Variants in USP10 observed in about 807,000 individuals in gnomAD.
USP10 encodes the protein ubiquitin specific peptidase 10, also known as ubiquitin carboxyl-terminal hydrolase 10.
In USP10, 22 loss-of-function variants were observed where a neutral mutation model predicts 84.5. That is an observed-to-expected ratio of 0.26 (90% CI 0.19 to 0.37). The LOEUF is 0.37. Ranked by LOEUF, USP10 falls within the 10% of genes least tolerant of loss-of-function variation. The probability of loss-of-function intolerance (pLI) is 1.00; values close to 1 mark genes in which losing one functional copy is unlikely to be tolerated. For synonymous variants in USP10, 454 were observed against 387.6 expected (o/e 1.17, Z -2.01); for missense variants, 1,019 against 998.9 (o/e 1.02, Z -0.27).
rs1158926870 is a variant in USP10 at position 84,765,412 on chromosome 16, G to A, written c.1832+1149G>A. Among the ~76,000 whole-genome samples the A allele has an allele frequency of 5.3e-5, 8 of 151,220 alleles. No individual in the cohort carries two copies. The East Asian group carries it at 5.9e-4, about 11-fold the overall frequency. On this transcript the variant is annotated intron_variant, in intron 10 of 13. Transcript: ENST00000219473. The stretch of plus-strand genomic sequence containing the variant: ...TGGCTGCCCTTGGTGTCCTTCGACC[G>A]ACATCTTCCATTCCCACTCGCCACC...
chr16:84,739,341 G>T lies in USP10; in HGVS notation c.91-968G>T, dbSNP rs111561696. ...GGCTGGAGTGCAGTGGCGCGATCTC[G>T]GCTCACTGCAACCTCCATCCCCCAG... is the stretch of plus-strand genomic sequence containing the variant. On this transcript the variant is annotated intron_variant, in intron 2 of 13. Coordinates refer to ENST00000219473, the MANE Select transcript of USP10 (RefSeq NM_005153.3). 4.3e-3 allele frequency among the ~76,000 whole-genome samples: 647 copies of T among 151,934 alleles called. 3 individuals carry two copies. Among genetic ancestry groups the T allele is most frequent in the African/African-American group, 0.015 (616 of 41,416 alleles).
chr16:84,736,348 C>T (rs745825960), intron 2 of USP10, among the ~76,000 whole-genome samples: 29 of 152,254 alleles, frequency 1.9e-4, no homozygotes, highest in Non-Finnish European at 3.7e-4. Context: ...ATTCTGCCTT[C>T]CTGCAGAAGC....
chr16:84,718,532 G>C (rs1396207274), intron 1 of USP10, among the ~76,000 whole-genome samples: 1 of 152,162 alleles, frequency 6.6e-6, no homozygotes, highest in Non-Finnish European at 1.5e-5. Context: ...GCCAAGGCGG[G>C]TGGATCACCT....
intron 4 of USP10, among the ~76,000 whole-genome samples, chr16:84,748,850 G>T (rs1316359331): frequency 6.6e-6 from 1 of 152,186 alleles, no homozygotes; most frequent in Non-Finnish European, 1.5e-5. Flanking sequence ...ATGACTGGTA[G>T]TAGAGGAAAG....
chr16:84,742,538 T>C (rs1298524421), intron 3 of USP10, among the ~76,000 whole-genome samples: 1 of 152,240 alleles, frequency 6.6e-6, no homozygotes, highest in African/African-American at 2.4e-5. Flanking sequence ...GTGAGCAGCC[T>C]TGGAGAAATG....
chr16:84,754,340 T>G (rs1349783992), intron 4 of USP10, among the ~76,000 whole-genome samples: 5 of 152,196 alleles, frequency 3.3e-5, no homozygotes. Context: ...AAATCTAGGT[T>G]GTTCGTGTCT....
In USP10 at chr16:84,751,156, C is replaced by G. The variant is rs116392963; in HGVS notation, c.1192+5483C>G. On this transcript the variant is annotated intron_variant, in intron 4 of 13. Transcript: ENST00000219473. ...TTGTGTTACAGTTGCCTACGGTATT[C>G]AGTACACAACATGCTGTACGGGTTT... Among the ~76,000 whole-genome samples the G allele has an allele frequency of 4.6e-3, 706 of 152,298 alleles. 8 individuals are homozygous for G. Among genetic ancestry groups the G allele is most frequent in the African/African-American group, 0.016 (677 of 41,562 alleles).
At chr16:84,768,134 T>C in intron 10 of USP10, 59 bp from the exon 11 acceptor site, 1 of 1,484,656 alleles carries the variant, frequency 6.7e-7, no homozygotes, top group Non-Finnish European at 9.1e-7. Context: ...TGGTTAATCT[T>C]AAGGGAAAGT....
intron 1 of USP10, among the ~76,000 whole-genome samples, chr16:84,705,586 C>G (rs1170179298): frequency 6.6e-6 from 1 of 151,262 alleles, no homozygotes; most frequent in Non-Finnish European, 1.5e-5. Context: ...CCCTCCGTCC[C>G]TTTCCCTCTT....
chr16:84,727,470 A>G (rs1908650087), intron 1 of USP10, among the ~76,000 whole-genome samples: 1 of 152,144 alleles, frequency 6.6e-6, no homozygotes, highest in Non-Finnish European at 1.5e-5. Flanking sequence ...AAACAAACAA[A>G]CAAACAAACA....
chr16:84,744,706 C>G lies in USP10; in HGVS notation c.225C>G (p.Pro75=), dbSNP rs781579765. Residue 75 remains proline (P), a synonymous_variant, in exon 4 of 14, where the codon CCC becomes CCG. Transcript: ENST00000219473. The part of the protein sequence containing the change: ...IEPSDTLPRT[P]SYSISSTLNP... Reference sequence around the variant, plus strand: ...CCAGTGACACTTTGCCGAGAACCCCCAGCTACAGTATTTCAAGCACACTGA... The same window carrying G: ...CCAGTGACACTTTGCCGAGAACCCCGAGCTACAGTATTTCAAGCACACTGA... The G allele has an allele frequency of 8.1e-6, 13 of 1,613,674 alleles. No individual in the cohort carries two copies. Among genetic ancestry groups the G allele is most frequent in the Middle Eastern group, 1.7e-4 (1 of 6,056 alleles).
chr16:84,760,397 A>G lies in USP10; in HGVS notation c.1554+122A>G, dbSNP rs190250922. 326 of 797,296 alleles carry G rather than the reference A, an allele frequency of 4.1e-4. 1 individual carries two copies. In the African/African-American group the frequency reaches 4.8e-3, roughly 12 times the overall value. 49.4% of individuals were successfully genotyped at this position (797,296 alleles called of 1,614,324 possible). A position where few individuals can be genotyped will look rare whatever the true frequency, so the allele number is the denominator to read the frequency against. ...CAGCGCTATAAGTAGATGTAGGTTT[A>G]TAAGAGTCCATTGCTTGGATGATAT... On this transcript the variant is annotated intron_variant, in intron 8 of 13. Transcript: ENST00000219473.
chr16:84,766,451 G>T (rs190382325), intron 10 of USP10, among the ~76,000 whole-genome samples: 1 of 152,180 alleles, frequency 6.6e-6, no homozygotes, highest in African/African-American at 2.4e-5. Context: ...CCAGGTTGGC[G>T]CGCAGCAGCG....
At chr16:84,751,208 A>C (rs2150834001) in intron 4 of USP10, among the ~76,000 whole-genome samples, 1 of 152,364 alleles carries the variant, frequency 6.6e-6, no homozygotes, top group East Asian at 1.9e-4. Context: ...AGGCTCTAGC[A>C]TATGGCCCAG....
intron 10 of USP10, among the ~76,000 whole-genome samples, chr16:84,765,898 G>A (rs1567645907): frequency 6.6e-6 from 1 of 152,176 alleles, no homozygotes; most frequent in Non-Finnish European, 1.5e-5. Flanking sequence ...GAGCTTTTCA[G>A]TACCACTGTG....
chr16:84,733,931 C>T (rs1035103291), intron 2 of USP10, among the ~76,000 whole-genome samples: 3 of 152,160 alleles, frequency 2.0e-5, no homozygotes, highest in Admixed American at 1.3e-4. Flanking sequence ...TTTAAGCTAA[C>T]GTTGTATTCT....
At chr16:84,708,344 G>C (rs796992703) in intron 1 of USP10, among the ~76,000 whole-genome samples, 1 of 152,124 alleles carries the variant, frequency 6.6e-6, no homozygotes, top group Non-Finnish European at 1.5e-5. Context: ...CAGCTGCTCC[G>C]AAGGCTGAGG....
chr16:84,777,509 C>T (rs1469652966), intron 13 of USP10, among the ~76,000 whole-genome samples: 1 of 152,182 alleles, frequency 6.6e-6, no homozygotes, highest in African/African-American at 2.4e-5. Context: ...TTGTGCAGCA[C>T]AGGATGAAGC....
intron 10 of USP10, among the ~76,000 whole-genome samples, chr16:84,766,197 A>C (rs1415175975): frequency 6.6e-6 from 1 of 152,272 alleles, no homozygotes; most frequent in Admixed American, 6.5e-5. Flanking sequence ...TGACGCCCTC[A>C]GAAGCTGGTT....
Sources: gnomAD v4.1 joint callset for allele counts (sites outside exome capture counted in the v4.1 genomes callset) on GRCh38, gnomAD v4.1.1 for gene constraint, MANE v1.5 for transcripts, NCBI Gene and HGNC (gene_info 2026-07-23, HGNC 2026-07-21) for gene names.